Variants in RPS5 observed in about 807,000 individuals in gnomAD.
The protein encoded by RPS5 is ribosomal protein S5.
A neutral mutation model predicts 20.9 loss-of-function variants in RPS5; 2 were observed. That is an observed-to-expected ratio of 0.10 (90% CI 0.04 to 0.30). The LOEUF is 0.30. Among genes scored for constraint, RPS5 ranks in the 10% least tolerant of loss-of-function variants. The probability of loss-of-function intolerance (pLI) is 1.00; values close to 1 mark genes in which losing one functional copy is unlikely to be tolerated. For missense variants in RPS5, 122 were observed against 287.2 expected, an observed-to-expected ratio of 0.42 and a Z score of 4.16; for synonymous variants, 112 against 105.8, an observed-to-expected ratio of 1.06 and a Z score of -0.36.
rs1395091096 is a variant in RPS5, at chr19:58,388,117, C to A, written c.-1-20C>A. On this transcript the variant is annotated intron_variant, in intron 1 of 5. Transcript: ENST00000196551. ...CTAGCTGAGCTCTGACGTTTTTTTC[C>A]TGTCATCACCCTGTCCCAGGATGAC... is the stretch of plus-strand genomic sequence containing the variant. 2 of 1,582,484 alleles carry A rather than the reference C, an allele frequency of 1.3e-6. No individual in the cohort carries two copies. The highest frequency in any genetic ancestry group is 1.7e-6 in the Non-Finnish European group (2 of 1,156,798).
chr19:58,391,677 T>C (rs2052364902), intron 2 of RPS5, among the ~76,000 whole-genome samples: 1 of 149,770 alleles, frequency 6.7e-6, no homozygotes, highest in South Asian at 2.1e-4. Context: ...TGTAATCCCA[T>C]CACTTTGGGA....
At chr19:58,387,444 GGAAAA>G (rs1345355762) in intron 1 of RPS5, 105 bp downstream of exon 1, 2 of 152,292 alleles carry the variant, frequency 1.3e-5, no homozygotes, top group African/African-American at 4.8e-5. Context: ...TTCTGTCTCT[GGAAAA>G]GAAAATGTAG....
rs369384066 is a variant in RPS5, at chr19:58,394,693, C to T, written c.558C>T (p.Asn186=). The change falls in exon 6 of 6, where the codon AAC becomes AAT. Residue 186 remains asparagine, a synonymous_variant. Coordinates refer to ENST00000196551, the MANE Select transcript of RPS5 (RefSeq NM_001009.4). ...GTGTCTCCTTGCAGGGCTCCTCGAA[C>T]TCCTATGCCATTAAGAAGAAGGACG... ...ELINAAKGSS[N]SYAIKKKDEL... 7.6e-5 allele frequency: 122 copies of T among 1,614,046 alleles called. No homozygotes were observed. Among genetic ancestry groups the T allele is most frequent in the East Asian group, 2.9e-4 (13 of 44,894 alleles).
At chr19:58,391,019 GTCTCCTTCGAATGCACATA>G (rs1248996955) in intron 2 of RPS5, among the ~76,000 whole-genome samples, 2 of 152,222 alleles carry the variant, frequency 1.3e-5, no homozygotes, top group African/African-American at 4.8e-5. Context: ...ATCAACAGCA[GTCTCCTTCGAATGCACATA>G]GCTCCTTTCT....
chr19:58,392,338 A>C (rs1333538244), intron 2 of RPS5, among the ~76,000 whole-genome samples: 2 of 150,064 alleles, frequency 1.3e-5, no homozygotes, highest in African/African-American at 4.9e-5. Flanking sequence ...GGGAAAAAAA[A>C]AACTAGGCCA....
At position 58,388,203 on chromosome 19, in the gene RPS5, G is replaced by A. The variant is rs948184409; in HGVS notation, c.66G>A (p.Lys22=). 1.6e-5 allele frequency: 26 copies of A among 1,613,238 alleles called. No individual in the cohort carries two copies. The highest frequency in any genetic ancestry group is 2.0e-5 in the Non-Finnish European group (24 of 1,179,812). ...AETPDIKLFG[K]WSTDDVQIND... is the part of the protein sequence containing the mutation. ...CCCCAGACATCAAGCTCTTTGGGAA[G>A]TGGAGCACCGATGATGTGCAGATCA... Residue 22 remains lysine, a synonymous_variant, in exon 2 of 6, where the codon AAG becomes AAA. Coordinates refer to ENST00000196551, the MANE Select transcript of RPS5 (RefSeq NM_001009.4).
At chr19:58,388,983 C>G (rs751559841) in intron 2 of RPS5, among the ~76,000 whole-genome samples, 1 of 152,158 alleles carries the variant, frequency 6.6e-6, no homozygotes, top group Non-Finnish European at 1.5e-5. Flanking sequence ...GTCTATATGT[C>G]TGTCTCTATG....
Position 58,394,717 on chromosome 19 carries a change from C to T in RPS5, c.582C>T (p.Asp194=), listed in dbSNP as rs144955468. The change falls in exon 6 of 6, where the codon GAC becomes GAT. Residue 194 remains aspartate (D), a synonymous_variant. Coordinates refer to ENST00000196551, the MANE Select transcript of RPS5 (RefSeq NM_001009.4). Reference sequence around the variant, plus strand: ...ACTCCTATGCCATTAAGAAGAAGGACGAGCTGGAGCGTGTGGCCAAGTCCA... The same window carrying T: ...ACTCCTATGCCATTAAGAAGAAGGATGAGCTGGAGCGTGTGGCCAAGTCCA... ...SSNSYAIKKK[D]ELERVAKSNR 9.2e-3 allele frequency: 14,853 copies of T among 1,614,022 alleles called. 76 individuals carry two copies. Among genetic ancestry groups the T allele is most frequent in the Non-Finnish European group, 0.012 (13,590 of 1,179,998 alleles).
At chr19:58,392,913 C>A in intron 2 of RPS5, 63 bp from the exon 3 acceptor site, 1 of 1,510,482 alleles carries the variant, frequency 6.6e-7, no homozygotes. Flanking sequence ...CCTCTGGTGT[C>A]TGGCCAACGC....
chr19:58,390,663 T>G (rs954342687), intron 2 of RPS5, among the ~76,000 whole-genome samples: 2 of 152,132 alleles, frequency 1.3e-5, no homozygotes, highest in African/African-American at 2.4e-5. Flanking sequence ...CTTGAACTCC[T>G]TGATCTATTA....
chr19:58,393,679 T>A, intron 4 of RPS5, 192 bp downstream of exon 4: 1 of 630,364 alleles, frequency 1.6e-6, no homozygotes, highest in Non-Finnish European at 2.7e-6. Flanking sequence ...GGAACACATT[T>A]GGCAGAGGTC....
chr19:58,391,392 A>G (rs2052361974), intron 2 of RPS5, among the ~76,000 whole-genome samples: 2 of 136,102 alleles, frequency 1.5e-5, no homozygotes, highest in Admixed American at 8.4e-5. Flanking sequence ...AAATCATGCC[A>G]TTGCACTCCA....
At chr19:58,394,392 G>A in intron 4 of RPS5, 105 bp from the exon 5 acceptor site, 1 of 865,442 alleles carries the variant, frequency 1.2e-6, no homozygotes, top group Non-Finnish European at 1.9e-6. Context: ...TTGTCTCAGT[G>A]GGCCTATGGG....
At chr19:58,390,154 C>T (rs2052353461) in intron 2 of RPS5, among the ~76,000 whole-genome samples, 1 of 152,064 alleles carries the variant, frequency 6.6e-6, no homozygotes, top group African/African-American at 2.4e-5. Context: ...CCTCAGCCTC[C>T]CAAAGTGCTG....
At chr19:58,393,757 C>G in intron 4 of RPS5, 1 of 404,520 alleles carries the variant, frequency 2.5e-6, no homozygotes, top group East Asian at 4.0e-5. Flanking sequence ...TTTTCTTGGA[C>G]ATTTTGAGAA....
chr19:58,387,497 T>G (rs2052333350), intron 1 of RPS5, 158 bp downstream of exon 1: 1 of 152,296 alleles, frequency 6.6e-6, no homozygotes, highest in African/African-American at 2.4e-5. Context: ...TTGACTTCTT[T>G]CTGGTGCTCC....
chr19:58,394,525 G>A lies in RPS5; in HGVS notation c.476G>A (p.Arg159His), dbSNP rs769796504. 6 of 1,614,094 alleles carry A rather than the reference G, an allele frequency of 3.7e-6. No homozygotes were observed. In the South Asian group the frequency reaches 4.4e-5, roughly 12 times the overall value. The change falls in exon 5 of 6, where the codon CGT (arginine) becomes CAT (histidine). Residue 159 changes from arginine (R) to histidine (H), a missense_variant. By Grantham distance (29) the Arg-to-His change is conservative. Around this residue, in one of 6 missense-constraint regions of RPS5, gnomAD observed 24 missense variants for 36.7 expected, o/e 0.65. Coordinates refer to ENST00000196551, the MANE Select transcript of RPS5 (RefSeq NM_001009.4). ...QAIWLLCTGA[R>H]EAAFRNIKTI... Reference sequence around the variant, plus strand: ...ATCTGGCTGCTGTGCACAGGCGCTCGTGAGGCTGCCTTCCGGAACATTAAG... The same window carrying A: ...ATCTGGCTGCTGTGCACAGGCGCTCATGAGGCTGCCTTCCGGAACATTAAG...
At chr19:58,387,942 GAA>G in intron 1 of RPS5, 193 bp from the exon 2 acceptor site, 2 of 587,252 alleles carry the variant, frequency 3.4e-6, no homozygotes, top group South Asian at 4.0e-5. Flanking sequence ...GGTTCTAGGT[GAA>G]AGACAGATGC....
intron 5 of RPS5, 29 bp downstream of exon 5, chr19:58,394,624 C>G: frequency 6.2e-7 from 1 of 1,613,740 alleles, no homozygotes; most frequent in Non-Finnish European, 8.5e-7. Context: ...GTTGGGGGGT[C>G]TTAAGTTGGG....
Sources: gnomAD v4.1 joint callset for allele counts (sites outside exome capture counted in the v4.1 genomes callset) on GRCh38, gnomAD v4.1.1 for gene constraint, gnomAD v4.1.1 regional missense constraint, MANE v1.5 for transcripts, NCBI Gene and HGNC (gene_info 2026-07-23, HGNC 2026-07-21) for gene names.